The following GRID2 variants were observed in gnomAD, a reference collection of about 807,000 sequenced individuals.
GRID2 encodes glutamate receptor ionotropic, delta-2.
In GRID2, 33 loss-of-function variants were observed where a neutral mutation model predicts 114.8. The ratio of observed to expected loss-of-function variants is 0.29; its 90% CI spans 0.22 to 0.38. GRID2 has a LOEUF of 0.38. GRID2 is among the 10% of genes least tolerant of loss of function. The probability of loss-of-function intolerance (pLI) is 1.00; values close to 1 mark genes in which losing one functional copy is unlikely to be tolerated. For synonymous variants in GRID2, 505 were observed against 449.9 expected, an observed-to-expected ratio of 1.12 and a Z score of -1.55; for missense variants, 1,184 against 1,257.7, an observed-to-expected ratio of 0.94 and a Z score of 0.89.
At chr4:93,534,100 T>A (rs1364319191) in intron 13 of GRID2, among the ~76,000 whole-genome samples, 1 of 152,104 alleles carries the variant, frequency 6.6e-6, no homozygotes, top group Non-Finnish European at 1.5e-5. Context: ...TGACCTACTT[T>A]CTCACCATAT....
intron 4 of GRID2, among the ~76,000 whole-genome samples, chr4:93,176,966 C>T (rs1029060049): frequency 1.3e-5 from 2 of 152,166 alleles, no homozygotes; most frequent in African/African-American, 2.4e-5. Context: ...CTTCGTTTCT[C>T]ACCTTGTTGT....
At chr4:93,643,800 A>C (rs1208054070) in intron 14 of GRID2, among the ~76,000 whole-genome samples, 6 of 54,482 alleles carry the variant, frequency 1.1e-4, no homozygotes, top group Non-Finnish European at 1.6e-4. Flanking sequence ...GGTGGAGCCT[A>C]CAGAGGCAGG....
chr4:92,738,650 CTTTTTAT>C (rs1409682515), intron 2 of GRID2, among the ~76,000 whole-genome samples: 2 of 151,712 alleles, frequency 1.3e-5, no homozygotes, highest in South Asian at 2.1e-4. Context: ...CTGATTTTCC[CTTTTTAT>C]TTTTTATTTT....
At chr4:93,195,693 G>A (rs1741419010) in intron 4 of GRID2, among the ~76,000 whole-genome samples, 1 of 152,098 alleles carries the variant, frequency 6.6e-6, no homozygotes, top group Non-Finnish European at 1.5e-5. Flanking sequence ...TTAACTAGGG[G>A]TTAGAAGCCA....
intron 1 of GRID2, among the ~76,000 whole-genome samples, chr4:92,499,567 A>G (rs923497364): frequency 5.9e-5 from 9 of 152,172 alleles, no homozygotes; most frequent in Non-Finnish European, 4.4e-5. Context: ...AGCATTTTAA[A>G]TAAATAGTGT....
chr4:93,681,462 G>T (rs1442679913), intron 14 of GRID2, among the ~76,000 whole-genome samples: 1 of 151,372 alleles, frequency 6.6e-6, no homozygotes, highest in African/African-American at 2.4e-5. Flanking sequence ...AAAAGAGCCC[G>T]CATTGCCAAG....
At chr4:92,412,333 G>T (rs1197692757) in intron 1 of GRID2, among the ~76,000 whole-genome samples, 3 of 151,830 alleles carry the variant, frequency 2.0e-5, no homozygotes, top group African/African-American at 7.3e-5. Context: ...TGTTTCACTA[G>T]TAAGTCACTT....
chr4:92,434,942 G>A (rs1317525062), intron 1 of GRID2, among the ~76,000 whole-genome samples: 1 of 151,934 alleles, frequency 6.6e-6, no homozygotes, highest in Non-Finnish European at 1.5e-5. Flanking sequence ...TGATCACATG[G>A]GAATGGAATT....
intron 2 of GRID2, among the ~76,000 whole-genome samples, chr4:92,658,791 G>C (rs62309216): frequency 9.0e-6 from 1 of 111,146 alleles, no homozygotes; most frequent in South Asian, 3.7e-4. Flanking sequence ...GTGTGTGTGT[G>C]TGTATATATA....
chr4:93,179,634 A>G (rs1304463876), intron 4 of GRID2, among the ~76,000 whole-genome samples: 1 of 152,218 alleles, frequency 6.6e-6, no homozygotes, highest in African/African-American at 2.4e-5. Context: ...TACCTTGTAC[A>G]TATTAACTTG....
intron 1 of GRID2, among the ~76,000 whole-genome samples, chr4:92,335,356 TG>T (rs1388185540): frequency 6.6e-6 from 1 of 152,228 alleles, no homozygotes; most frequent in African/African-American, 2.4e-5. Context: ...TAAAAGATCT[TG>T]GTATTCTTTT....
intron 2 of GRID2, among the ~76,000 whole-genome samples, chr4:92,757,293 G>A (rs1458555411): frequency 1.3e-5 from 2 of 152,050 alleles, no homozygotes; most frequent in East Asian, 3.9e-4. Context: ...GTACTCAGTG[G>A]AGATTGTATA....
At chr4:92,923,656 A>G (rs1443821349) in intron 2 of GRID2, among the ~76,000 whole-genome samples, 1 of 152,206 alleles carries the variant, frequency 6.6e-6, no homozygotes, top group Non-Finnish European at 1.5e-5. Flanking sequence ...GGGAGTAGAT[A>G]CATTATACAC....
At chr4:92,997,865 C>G (rs1374976892) in intron 2 of GRID2, among the ~76,000 whole-genome samples, 3 of 152,082 alleles carry the variant, frequency 2.0e-5, no homozygotes, top group Non-Finnish European at 4.4e-5. Context: ...CTCTTAGTGG[C>G]TCATGGAAAA....
chr4:93,030,236 C>G (rs183993395), intron 2 of GRID2, among the ~76,000 whole-genome samples: 2 of 152,090 alleles, frequency 1.3e-5, no homozygotes, highest in Non-Finnish European at 2.9e-5. Flanking sequence ...TGTATTTTTT[C>G]CTTCCTCTTT....
At chr4:92,322,402 G>T (rs1726359390) in intron 1 of GRID2, among the ~76,000 whole-genome samples, 1 of 151,702 alleles carries the variant, frequency 6.6e-6, no homozygotes, top group African/African-American at 2.4e-5. Flanking sequence ...ACTCCTTTCG[G>T]AATAAAAAGG....
intron 2 of GRID2, among the ~76,000 whole-genome samples, chr4:93,072,426 T>G (rs1728890262): frequency 6.6e-6 from 1 of 152,124 alleles, no homozygotes; most frequent in African/African-American, 2.4e-5. Flanking sequence ...AAGGGGAGTT[T>G]GTACTTATTT....
intron 2 of GRID2, among the ~76,000 whole-genome samples, chr4:92,651,280 G>T (rs961771862): frequency 1.3e-5 from 2 of 152,032 alleles, no homozygotes; most frequent in East Asian, 3.9e-4. Flanking sequence ...CTGGGGAATG[G>T]TGCCACATCA....
intron 2 of GRID2, among the ~76,000 whole-genome samples, chr4:93,052,598 C>G (rs186691688): frequency 1.2e-4 from 18 of 151,970 alleles, no homozygotes; most frequent in African/African-American, 3.9e-4. Flanking sequence ...AAGTAAAATA[C>G]AGTAAAAATA....
Sources: allele counts gnomAD v4.1 joint callset (sites outside exome capture counted in the v4.1 genomes callset), GRCh38; gene constraint gnomAD v4.1.1; transcripts MANE v1.5; gene names NCBI Gene and HGNC (gene_info 2026-07-23, HGNC 2026-07-21).